The following CCDC88A variants were observed in gnomAD, a reference collection of about 807,000 sequenced individuals.
CCDC88A encodes girdin.
In CCDC88A, 54 loss-of-function variants were observed where a neutral mutation model predicts 234.3. The ratio of observed to expected loss-of-function variants is 0.23; its 90% CI spans 0.19 to 0.29. The LOEUF is 0.29. Among genes scored for constraint, CCDC88A ranks in the 10% least tolerant of loss-of-function variants. The probability of loss-of-function intolerance (pLI) is 1.00; values close to 1 mark genes in which losing one functional copy is unlikely to be tolerated. For synonymous variants in CCDC88A, 753 were observed against 737.8 expected, an observed-to-expected ratio of 1.02 and a Z score of -0.33; for missense variants, 1,832 against 2,123.4, an observed-to-expected ratio of 0.86 and a Z score of 2.70.
intron 2 of CCDC88A, among the ~76,000 whole-genome samples, chr2:55,414,841 G>A (rs894572964): frequency 3.3e-5 from 5 of 152,016 alleles, no homozygotes; most frequent in African/African-American, 7.2e-5. Context: ...TGAGGCAGGC[G>A]GATCACGAGG....
chr2:55,311,474 G>A (rs951769155), intron 23 of CCDC88A, among the ~76,000 whole-genome samples: 2 of 152,200 alleles, frequency 1.3e-5, no homozygotes, highest in Admixed American at 1.3e-4. Context: ...TCAAGTCTGA[G>A]AGGCACAGAC....
intron 15 of CCDC88A, among the ~76,000 whole-genome samples, chr2:55,333,494 G>A (rs1210541305): frequency 1.3e-5 from 2 of 152,050 alleles, no homozygotes; most frequent in East Asian, 1.9e-4. Flanking sequence ...AAAATTCATG[G>A]GGCTTTGGAG....
intron 3 of CCDC88A, among the ~76,000 whole-genome samples, chr2:55,387,952 G>C (rs1675971847): frequency 6.6e-6 from 1 of 151,936 alleles, no homozygotes; most frequent in Non-Finnish European, 1.5e-5. Flanking sequence ...CATCATATGG[G>C]ATATTTCAAC....
chr2:55,310,398 G>A (rs1289839758), intron 23 of CCDC88A, among the ~76,000 whole-genome samples: 1 of 152,030 alleles, frequency 6.6e-6, no homozygotes, highest in African/African-American at 2.4e-5. Flanking sequence ...CCTGGCCAAT[G>A]TGGCAAAACT....
At position 55,349,654 on chromosome 2, in the gene CCDC88A, C is replaced by T. The variant is rs1262086232; in HGVS notation, c.801-55G>A. Reference sequence around the variant, plus strand: ...TACTATTTTTGAAAACTGTGATCATCATCTGCGTTAATATAAATGTATCAT... The same window carrying T: ...TACTATTTTTGAAAACTGTGATCATTATCTGCGTTAATATAAATGTATCAT... On this transcript the variant is annotated intron_variant, in intron 8 of 32. Transcript: ENST00000436346. 1.1e-5 allele frequency: 13 copies of T among 1,166,196 alleles called. No homozygotes were observed. The Admixed American group carries it at 2.0e-4, about 18-fold the overall frequency. 72.2% of individuals were successfully genotyped at this position (1,166,196 alleles called of 1,614,324 possible). A position where few individuals can be genotyped will look rare whatever the true frequency, so the allele number is the denominator to read the frequency against.
intron 2 of CCDC88A, among the ~76,000 whole-genome samples, chr2:55,414,908 A>G (rs1023655813): frequency 3.3e-5 from 5 of 151,964 alleles, no homozygotes; most frequent in Admixed American, 6.6e-5. Context: ...TACTAAAAAA[A>G]TACAAAAAAT....
chr2:55,325,238 G>A (rs927876498), intron 17 of CCDC88A, among the ~76,000 whole-genome samples: 4 of 152,140 alleles, frequency 2.6e-5, no homozygotes, highest in Non-Finnish European at 4.4e-5. Flanking sequence ...TTCCTTTGGT[G>A]TTTCTAGTAC....
At chr2:55,391,643 G>C (rs942120553) in intron 2 of CCDC88A, among the ~76,000 whole-genome samples, 1 of 152,150 alleles carries the variant, frequency 6.6e-6, no homozygotes, top group Non-Finnish European at 1.5e-5. Context: ...TTCACCGCAG[G>C]AGCTTAACAA....
chr2:55,347,658 G>T (rs1669337738), intron 9 of CCDC88A, among the ~76,000 whole-genome samples: 1 of 128,690 alleles, frequency 7.8e-6, no homozygotes, highest in Non-Finnish European at 1.6e-5. Flanking sequence ...ACGCAGGCTG[G>T]AGTGCAGCAG....
At position 55,334,453 on chromosome 2, in the gene CCDC88A, C is replaced by T. The variant is rs769346255; in HGVS notation, c.2368G>A (p.Glu790Lys). 2 of 1,591,842 alleles carry T rather than the reference C, an allele frequency of 1.3e-6. No individual in the cohort carries two copies. Among genetic ancestry groups the T allele is most frequent in the Non-Finnish European group, 1.7e-6 (2 of 1,173,612 alleles). Residue 790 changes from glutamate to lysine, a missense_variant, in exon 15 of 33, where the codon GAG (glutamate) becomes AAG (lysine). By Grantham distance (56) the Glu-to-Lys change is moderately conservative. This residue lies in a region of CCDC88A where 1,282 missense variants were observed against 1,543.6 expected (regional missense o/e 0.83). Coordinates refer to ENST00000436346, the MANE Select transcript of CCDC88A (RefSeq NM_001365480.1). This position sits in a 1 kb window ranked among gnomAD's most constrained non-coding sequence, Gnocchi z 6.1. ...TTCTGCAATGTTTGATTTTCCATCT[C>T]TAAGTCTTGTAGTTCACTCTCTAAT... The part of the protein sequence containing the change: ...QQLESELQDL[E>K]MENQTLQKNL...
intron 2 of CCDC88A, among the ~76,000 whole-genome samples, chr2:55,391,965 TG>T (rs1402950401): frequency 1.3e-5 from 2 of 152,246 alleles, no homozygotes; most frequent in African/African-American, 4.8e-5. Flanking sequence ...CTCAGCCTTT[TG>T]TTGATGTACA....
Position 55,332,434 on chromosome 2 carries a change from T to A in CCDC88A, c.2855+132A>T. 7.3e-7 allele frequency: 1 copy of A among 1,366,988 alleles called. No individual in the cohort carries two copies. Among genetic ancestry groups the A allele is most frequent in the South Asian group, 1.7e-5 (1 of 58,510 alleles). 84.7% of individuals were successfully genotyped at this position (1,366,988 alleles called of 1,614,324 possible). The stretch of plus-strand genomic sequence containing the variant: ...ACCGCACCCGGCTACAGAACTTTCC[T>A]TAAGGGAAGGAAGGAACCAGAAATA... On this transcript the variant is annotated intron_variant, in intron 16 of 32. Transcript: ENST00000436346. This position sits in a 1 kb window ranked among gnomAD's most constrained non-coding sequence, Gnocchi z 4.5.
chr2:55,321,925 A>T (rs1312398786), intron 18 of CCDC88A, among the ~76,000 whole-genome samples: 3 of 3,116 alleles, frequency 9.6e-4, no homozygotes, highest in East Asian at 0.17. Flanking sequence ...TGTTAAATTA[A>T]AAAAAAAAAA....
chr2:55,320,452 A>T (rs527660235), intron 18 of CCDC88A, among the ~76,000 whole-genome samples: 2 of 152,316 alleles, frequency 1.3e-5, no homozygotes, highest in Non-Finnish European at 2.9e-5. Flanking sequence ...AGCCTATTAT[A>T]TGGCTAACCG....
At chr2:55,352,287 A>T (rs1669982429) in intron 8 of CCDC88A, among the ~76,000 whole-genome samples, 1 of 151,950 alleles carries the variant, frequency 6.6e-6, no homozygotes, top group South Asian at 2.1e-4. Flanking sequence ...AAAATTAGCC[A>T]GGCGTGGTGG....
intron 14 of CCDC88A, among the ~76,000 whole-genome samples, chr2:55,336,143 A>G (rs2104694303): frequency 6.6e-6 from 1 of 152,288 alleles, no homozygotes; most frequent in South Asian, 2.1e-4. Flanking sequence ...GCAGTAAGCT[A>G]TGATTGTGCC....
chr2:55,355,984 TTTTA>T (rs1023454312), intron 7 of CCDC88A: 33 of 305,140 alleles, frequency 1.1e-4, no homozygotes, highest in East Asian at 6.9e-4. Context: ...CTTCCTAGTT[TTTTA>T]TTTATTTATT....
At chr2:55,310,696 T>C (rs1226706818) in intron 23 of CCDC88A, among the ~76,000 whole-genome samples, 2 of 152,232 alleles carry the variant, frequency 1.3e-5, no homozygotes, top group African/African-American at 4.8e-5. Context: ...TGAGAGATTC[T>C]GTAGAAGATG....
intron 12 of CCDC88A, among the ~76,000 whole-genome samples, chr2:55,340,504 C>T (rs1292786917): frequency 6.6e-6 from 1 of 152,144 alleles, no homozygotes. Context: ...TAATCTTTTA[C>T]TGAAAGCTGG....
Sources: allele counts gnomAD v4.1 joint callset (sites outside exome capture counted in the v4.1 genomes callset), GRCh38; gene constraint gnomAD v4.1.1; regional missense constraint gnomAD v4.1.1; non-coding constraint Gnocchi (gnomAD v3.1); transcripts MANE v1.5; gene names NCBI Gene and HGNC (gene_info 2026-07-23, HGNC 2026-07-21).